Variants in TMPO observed in about 807,000 individuals in gnomAD.
The protein encoded by TMPO is thymopoietin.
Under a neutral mutation model 45.4 loss-of-function variants are expected in TMPO, and 22 were observed. The observed-to-expected ratio is 0.48, with a 90% CI of 0.35 to 0.69. The LOEUF is 0.69. Among genes scored for constraint, TMPO ranks in the 30% least tolerant of loss-of-function variants. The pLI, the probability that TMPO is intolerant of heterozygous loss-of-function variation, is 0.01. For synonymous variants in TMPO, 241 were observed against 204.1 expected, an observed-to-expected ratio of 1.18 and a Z score of -1.54; for missense variants, 512 against 548.8, an observed-to-expected ratio of 0.93 and a Z score of 0.67.
At chr12:98,544,795 A>G in intron 6 of TMPO, 156 bp from the exon 7 acceptor site, 1 of 689,220 alleles carries the variant, frequency 1.5e-6, no homozygotes, top group Non-Finnish European at 2.5e-6. Context: ...GAGGCTTCAT[A>G]TGTGAGGCAC....
At position 98,518,986 on chromosome 12, in the gene TMPO, A is replaced by C. The variant is rs531237733; in HGVS notation, c.279+2840A>C. On this transcript the variant is annotated intron_variant, in intron 1 of 8. Coordinates refer to ENST00000556029, the MANE Select transcript of TMPO (RefSeq NM_001032283.3). ...AAGCTCTGCCTCGTGGGTTCATGCCATTTTCCTGCCTCCGCCTCCCGAGTA... is the reference window on the plus strand; with the variant it reads ...AAGCTCTGCCTCGTGGGTTCATGCCCTTTTCCTGCCTCCGCCTCCCGAGTA... 3.3e-5 allele frequency among the ~76,000 whole-genome samples: 5 copies of C among 151,124 alleles called. No individual in the cohort carries two copies. In the South Asian group the frequency reaches 1.0e-3, roughly 31 times the overall value.
At chr12:98,535,403 AAGT>A (rs1877509309) in intron 3 of TMPO, 2 of 985,264 alleles carry the variant, frequency 2.0e-6, no homozygotes, top group South Asian at 9.4e-5. Context: ...GTATTGTGGA[AAGT>A]AGTAGCCTTA....
At chr12:98,531,880 T>A (rs370546897) in intron 3 of TMPO, 42 bp downstream of exon 3, 2 of 1,559,064 alleles carry the variant, frequency 1.3e-6, no homozygotes, top group South Asian at 2.3e-5. Context: ...TGGAATTTTT[T>A]CACACTCAAA....
intron 1 of TMPO, among the ~76,000 whole-genome samples, chr12:98,520,601 G>A (rs1390089236): frequency 2.0e-5 from 3 of 151,562 alleles, no homozygotes; most frequent in African/African-American, 4.9e-5. Flanking sequence ...CACCTCACCC[G>A]GCCAATACCA....
chr12:98,549,912 C>T lies in TMPO; in HGVS notation c.*2054C>T, dbSNP rs797022001. 29 of 151,746 alleles carry T rather than the reference C, an allele frequency of 1.9e-4. 1 individual carries two copies. The highest frequency in any genetic ancestry group is 7.0e-4 in the African/African-American group (29 of 41,440). The allele number at this position is 151,746 out of a possible 1,614,324, so 9.4% of individuals were successfully genotyped here. A position where few individuals can be genotyped will look rare whatever the true frequency, so the allele number is the denominator to read the frequency against. ...ACTCCTAGATCAGAAATGTTTGCCTCTCTGAGTAAAATGTTTCTTTCAGAT... is the reference window on the plus strand; with the variant it reads ...ACTCCTAGATCAGAAATGTTTGCCTTTCTGAGTAAAATGTTTCTTTCAGAT... On this transcript the variant is annotated 3_prime_UTR_variant, in exon 9 of 9. Transcript: ENST00000556029.
rs145703021 is a variant in TMPO, at chr12:98,533,566, G to C, written c.565+1728G>C. On this transcript the variant is annotated intron_variant, in intron 3 of 8. Coordinates refer to ENST00000556029, the MANE Select transcript of TMPO (RefSeq NM_001032283.3). ...AGTCCCTAGACTGAGTGAGAAGTCAGTGGAGGAAAGGGATTCAGGTTCCTT... is the reference window on the plus strand; with the variant it reads ...AGTCCCTAGACTGAGTGAGAAGTCACTGGAGGAAAGGGATTCAGGTTCCTT... The C allele has an allele frequency of 3.5e-4, 558 of 1,614,226 alleles. 1 individual carries two copies. The African/African-American group carries it at 6.7e-3, about 19-fold the overall frequency.
chr12:98,532,944 C>G lies in TMPO; in HGVS notation c.565+1106C>G, dbSNP rs757659026. ...GTATTTCTTTTCCTGAAATCTCCAC[C>G]CGTCCTCCTTTGGGCAGTACCGAAC... On this transcript the variant is annotated intron_variant, in intron 3 of 8. Coordinates refer to ENST00000556029, the MANE Select transcript of TMPO (RefSeq NM_001032283.3). 1 of 1,614,142 alleles carries G rather than the reference C, an allele frequency of 6.2e-7. No individual in the cohort carries two copies. The highest frequency in any genetic ancestry group is 1.3e-5 in the African/African-American group (1 of 75,026).
intron 1 of TMPO, chr12:98,516,554 A>G (rs1326066817): frequency 2.0e-6 from 2 of 1,013,900 alleles, no homozygotes; most frequent in African/African-American, 3.4e-5. Context: ...ATTAACTGAA[A>G]TGACTCGCAG....
At position 98,515,743 on chromosome 12, in the gene TMPO, G is replaced by C. The variant is rs1222488604; in HGVS notation, c.-125G>C. ...CCGCGAGTTTTTGTTCCGCTCCGCA[G>C]CGCTCTTCCCGGGCAGGAGCCGTGA... On this transcript the variant is annotated 5_prime_UTR_variant, in exon 1 of 9. Coordinates refer to ENST00000556029, the MANE Select transcript of TMPO (RefSeq NM_001032283.3). 1 of 1,536,010 alleles carries C rather than the reference G, an allele frequency of 6.5e-7. No individual in the cohort carries two copies. The highest frequency in any genetic ancestry group is 1.4e-5 in the African/African-American group (1 of 72,472).
Position 98,544,993 on chromosome 12 carries a change from A to G in TMPO, c.922A>G (p.Ile308Val), listed in dbSNP as rs1275960965. 1.2e-6 allele frequency: 2 copies of G among 1,613,682 alleles called. No individual in the cohort carries two copies. Among genetic ancestry groups the G allele is most frequent in the African/African-American group, 2.7e-5 (2 of 74,936 alleles). Residue 308 changes from isoleucine to valine, a missense_variant, in exon 7 of 9, where the codon ATT becomes GTT. Coordinates refer to ENST00000556029, the MANE Select transcript of TMPO (RefSeq NM_001032283.3). ...TGGAAATTTCAAGCATGCATCTCCT[A>G]TTCTGCCAATCACTGAATTCTCAGA... ...VTGNFKHASP[I>V]LPITEFSDIP...
rs1877347026 is a variant in TMPO, at chr12:98,533,485, A to G, written c.565+1647A>G. 18 of 1,614,204 alleles carry G rather than the reference A, an allele frequency of 1.1e-5. No individual in the cohort carries two copies. The highest frequency in any genetic ancestry group is 1.5e-5 in the Non-Finnish European group (18 of 1,180,030). On this transcript the variant is annotated intron_variant, in intron 3 of 8. Coordinates refer to ENST00000556029, the MANE Select transcript of TMPO (RefSeq NM_001032283.3). ...CCCACTGGATGTAGAAAACATACAG[A>G]AGAGAATTGATCAGTCTAAGTTTCA...
intron 3 of TMPO, chr12:98,534,391 G>T: frequency 6.2e-7 from 1 of 1,604,140 alleles, no homozygotes. Flanking sequence ...GGTACTTTAT[G>T]CCAACATTTT....
At chr12:98,546,531 T>C (rs1878237706) in intron 8 of TMPO, 84 bp downstream of exon 8, 1 of 1,119,406 alleles carries the variant, frequency 8.9e-7, no homozygotes, top group Non-Finnish European at 1.4e-6. Context: ...GTTACTGTAC[T>C]TCTGCTCAGA....
At chr12:98,521,112 T>TTTTTTTTTTTTTTG (rs1876327982) in intron 1 of TMPO, among the ~76,000 whole-genome samples, 1 of 131,106 alleles carries the variant, frequency 7.6e-6, no homozygotes. Context: ...TTTTTTTTTT[T>TTTTTTTTTTTTTTG]TTTTTTTTTT....
At chr12:98,533,396 A>T in intron 3 of TMPO, 1 of 1,614,236 alleles carries the variant, frequency 6.2e-7, no homozygotes, top group Non-Finnish European at 8.5e-7. Flanking sequence ...ATCAGAGATT[A>T]TGTCAATTCT....
chr12:98,543,125 T>C (rs927142950), intron 4 of TMPO, among the ~76,000 whole-genome samples: 2 of 152,184 alleles, frequency 1.3e-5, no homozygotes, highest in Non-Finnish European at 2.9e-5. Flanking sequence ...GCATATTTAT[T>C]GGATGACCAC....
Position 98,546,344 on chromosome 12 carries a change from T to C in TMPO, c.991-15T>C. 1 of 1,562,542 alleles carries C rather than the reference T, an allele frequency of 6.4e-7. No homozygotes were observed. The highest frequency in any genetic ancestry group is 8.8e-7 in the Non-Finnish European group (1 of 1,133,640). On this transcript the variant is annotated splice_polypyrimidine_tract_variant and intron_variant, in intron 7 of 8. Coordinates refer to ENST00000556029, the MANE Select transcript of TMPO (RefSeq NM_001032283.3). The stretch of plus-strand genomic sequence containing the variant: ...ATTTTAACTTGTGGTTGTTTGTTTG[T>C]CTGTTTCTTATTAGGTGGGAGAAAA...
chr12:98,519,931 C>T (rs1174607354), intron 1 of TMPO, among the ~76,000 whole-genome samples: 1 of 151,834 alleles, frequency 6.6e-6, no homozygotes, highest in Non-Finnish European at 1.5e-5. Context: ...AATACCAGGT[C>T]ATATTTCTTT....
chr12:98,547,713 A>AG lies in TMPO; in HGVS notation c.1223dup (p.Arg409ThrfsTer36). The AG allele has an allele frequency of 6.2e-7, 1 of 1,614,218 alleles. No individual in the cohort carries two copies. The highest frequency in any genetic ancestry group is 8.5e-7 in the Non-Finnish European group (1 of 1,180,044). ...GATGTCAAGTCAGAAAAGACAAAAAAGGGACGCTCCATTCCCGTATGGATA... is the reference window on the plus strand; with the variant it reads ...GATGTCAAGTCAGAAAAGACAAAAAAGGGGACGCTCCATTCCCGTATGGATA... On this transcript the variant is annotated frameshift_variant, in exon 9 of 9. Transcript: ENST00000556029. LOFTEE classifies it high-confidence loss of function.
Sources: allele counts gnomAD v4.1 joint callset (sites outside exome capture counted in the v4.1 genomes callset), GRCh38; gene constraint gnomAD v4.1.1; transcripts MANE v1.5; gene names NCBI Gene and HGNC (gene_info 2026-07-23, HGNC 2026-07-21).